Variants in ARB2A observed in about 807,000 individuals in gnomAD.
ARB2A encodes the protein ARB2 cotranscriptional regulator A.
chr5:93,856,649 T>G, the ARB2A span, among the ~76,000 whole-genome samples: 1 of 152,326 alleles, frequency 6.6e-6, no homozygotes, highest in South Asian at 2.1e-4. Context: ...CTTTAAGCAC[T>G]TCTCTGTATT....
At chr5:93,985,203 A>C in the ARB2A span, among the ~76,000 whole-genome samples, 2 of 152,076 alleles carry the variant, frequency 1.3e-5, no homozygotes, top group Non-Finnish European at 1.5e-5. Context: ...TCACCTAAAA[A>C]TTTACCCTGG....
At chr5:94,044,369 A>G in the ARB2A span, among the ~76,000 whole-genome samples, 1 of 152,128 alleles carries the variant, frequency 6.6e-6, no homozygotes, top group Non-Finnish European at 1.5e-5. Flanking sequence ...TCCAGATATC[A>G]CCTCTTGTTG....
chr5:93,951,526 T>G, the ARB2A span, among the ~76,000 whole-genome samples: 1 of 152,238 alleles, frequency 6.6e-6, no homozygotes, highest in African/African-American at 2.4e-5. Flanking sequence ...GGGTCTAGTT[T>G]CATTCTTCTG....
chr5:93,718,099 T>C, the ARB2A span, among the ~76,000 whole-genome samples: 1 of 151,638 alleles, frequency 6.6e-6, no homozygotes, highest in African/African-American at 2.4e-5. Context: ...TCCCAAGTGC[T>C]GGGACAGGAG....
At chr5:94,043,083 T>C in the ARB2A span, among the ~76,000 whole-genome samples, 2 of 152,140 alleles carry the variant, frequency 1.3e-5, no homozygotes, top group Admixed American at 6.5e-5. Flanking sequence ...TAATCAACTA[T>C]AGAACTCTAA....
At chr5:93,691,021 G>T in the ARB2A span, among the ~76,000 whole-genome samples, 2 of 152,000 alleles carry the variant, frequency 1.3e-5, no homozygotes, top group Non-Finnish European at 2.9e-5. Flanking sequence ...CCTTCTGAAG[G>T]TCACCAACAT....
At chr5:93,797,538 T>C in the ARB2A span, among the ~76,000 whole-genome samples, 10 of 152,136 alleles carry the variant, frequency 6.6e-5, no homozygotes, top group East Asian at 1.9e-3. Context: ...TGAAATTCTA[T>C]AAAATGGCAA....
chr5:93,844,434 T>C, the ARB2A span, among the ~76,000 whole-genome samples: 1 of 151,374 alleles, frequency 6.6e-6, no homozygotes, highest in South Asian at 2.1e-4. Flanking sequence ...AGAGTGAGAC[T>C]CCATCTCAAA....
the ARB2A span, among the ~76,000 whole-genome samples, chr5:94,089,317 C>T: frequency 6.6e-6 from 1 of 152,100 alleles, no homozygotes; most frequent in Non-Finnish European, 1.5e-5. Flanking sequence ...CCTGGACTGA[C>T]AAAGAACTAG....
the ARB2A span, among the ~76,000 whole-genome samples, chr5:94,089,170 C>T: frequency 6.6e-6 from 1 of 152,150 alleles, no homozygotes; most frequent in Admixed American, 6.5e-5. Flanking sequence ...AAACTCATTT[C>T]TATTTGTTTA....
the ARB2A span, among the ~76,000 whole-genome samples, chr5:93,811,140 A>C: frequency 1.3e-5 from 2 of 152,102 alleles, no homozygotes; most frequent in Admixed American, 1.3e-4. Context: ...TAAAAGGTCA[A>C]TTCGATTTAG....
chr5:93,805,729 T>G, the ARB2A span: 1 of 985,192 alleles, frequency 1.0e-6, no homozygotes, highest in Admixed American at 6.2e-5. Context: ...TCAGCTCAAA[T>G]GCATATGTAT....
At chr5:93,817,087 AACACACAC>A in the ARB2A span, among the ~76,000 whole-genome samples, 2 of 144,274 alleles carry the variant, frequency 1.4e-5, no homozygotes, top group African/African-American at 2.7e-5. Context: ...AATACACACA[AACACACAC>A]ACACACACAC....
the ARB2A span, among the ~76,000 whole-genome samples, chr5:93,926,810 T>C: frequency 1.3e-5 from 2 of 152,004 alleles, no homozygotes; most frequent in African/African-American, 4.8e-5. Context: ...TGAATTCTAT[T>C]AGCCCAAGCA....
the ARB2A span, chr5:93,824,183 C>A: frequency 1.3e-6 from 2 of 1,595,348 alleles, no homozygotes; most frequent in Non-Finnish European, 1.7e-6. Flanking sequence ...TAGCTGTGAG[C>A]AACGAAAAAC....
At chr5:93,986,487 C>T in the ARB2A span, among the ~76,000 whole-genome samples, 1 of 152,144 alleles carries the variant, frequency 6.6e-6, no homozygotes, top group Admixed American at 6.5e-5. Context: ...GTGAGGAGCC[C>T]CTCTGCCCGG....
At chr5:93,682,961 C>G in the ARB2A span, 12 of 1,582,364 alleles carry the variant, frequency 7.6e-6, no homozygotes, top group East Asian at 2.7e-4. Flanking sequence ...TTTTTCTATA[C>G]TTGCTTGCAT....
the ARB2A span, among the ~76,000 whole-genome samples, chr5:93,853,602 G>T: frequency 6.6e-6 from 1 of 152,080 alleles, no homozygotes; most frequent in Non-Finnish European, 1.5e-5. Flanking sequence ...GTTTGTCATA[G>T]ATAGCTCTTA....
At chr5:93,941,773 T>C in the ARB2A span, among the ~76,000 whole-genome samples, 3 of 152,288 alleles carry the variant, frequency 2.0e-5, no homozygotes, top group Admixed American at 6.5e-5. Context: ...GACAATTATT[T>C]GAAACCAGGT....
Sources: gnomAD v4.1 joint callset for allele counts (sites outside exome capture counted in the v4.1 genomes callset) on GRCh38, gnomAD v4.1.1 for gene constraint, MANE v1.5 for transcripts, NCBI Gene and HGNC (gene_info 2026-07-23, HGNC 2026-07-21) for gene names.